The following ZNF423 variants were observed in gnomAD, a reference collection of about 807,000 sequenced individuals.
ZNF423 encodes the protein zinc finger protein 423, also known as Ebf-associated zinc finger protein.
Under a neutral mutation model 95.8 loss-of-function variants are expected in ZNF423, and 12 were observed. The ratio of observed to expected loss-of-function variants is 0.13; its 90% CI spans 0.08 to 0.20. ZNF423 has a LOEUF of 0.20. Ranked by LOEUF, ZNF423 falls within the 10% of genes least tolerant of loss-of-function variation. The pLI is 1.00. For missense variants in ZNF423, 1,316 were observed against 1,737.1 expected, an observed-to-expected ratio of 0.76 and a Z score of 4.31; for synonymous variants, 749 against 711.9, an observed-to-expected ratio of 1.05 and a Z score of -0.83.
At chr16:49,671,636 T>C (rs1187843872) in intron 3 of ZNF423, among the ~76,000 whole-genome samples, 1 of 152,232 alleles carries the variant, frequency 6.6e-6, no homozygotes, top group Non-Finnish European at 1.5e-5. Context: ...TAATGTCTGC[T>C]GAGCAATTAT....
intron 7 of ZNF423, among the ~76,000 whole-genome samples, chr16:49,497,458 G>A (rs147562523): frequency 3.2e-4 from 48 of 152,314 alleles, no homozygotes; most frequent in Middle Eastern, 3.4e-3. Flanking sequence ...AGACTAGGCC[G>A]TGGTTCTGGC....
At chr16:49,667,682 G>A (rs2030608876) in intron 3 of ZNF423, among the ~76,000 whole-genome samples, 2 of 152,212 alleles carry the variant, frequency 1.3e-5, no homozygotes, top group Admixed American at 6.5e-5. Flanking sequence ...AGGAGTTCAA[G>A]ACCAGCTTGG....
intron 5 of ZNF423, among the ~76,000 whole-genome samples, chr16:49,571,201 G>T (rs1047426682): frequency 6.6e-6 from 1 of 151,886 alleles, no homozygotes; most frequent in African/African-American, 2.4e-5. Context: ...CACCTACCTT[G>T]TATCTTTTTT....
At chr16:49,598,644 C>T (rs934562648) in intron 5 of ZNF423, among the ~76,000 whole-genome samples, 2 of 152,356 alleles carry the variant, frequency 1.3e-5, no homozygotes, top group East Asian at 1.9e-4. Flanking sequence ...GCAAGGGAGG[C>T]CATCACGCCA....
At chr16:49,520,857 C>T (rs765677315) in intron 7 of ZNF423, among the ~76,000 whole-genome samples, 9 of 152,220 alleles carry the variant, frequency 5.9e-5, no homozygotes, top group Non-Finnish European at 1.3e-4. Context: ...TTAACGAGAG[C>T]CATTATTTGC....
intron 5 of ZNF423, among the ~76,000 whole-genome samples, chr16:49,535,368 G>A (rs1349579971): frequency 6.6e-6 from 1 of 152,206 alleles, no homozygotes; most frequent in African/African-American, 2.4e-5. Context: ...CCGCCTCTCT[G>A]AGTGATCAGC....
intron 5 of ZNF423, among the ~76,000 whole-genome samples, chr16:49,532,522 T>A (rs915791375): frequency 2.0e-5 from 3 of 152,148 alleles, no homozygotes; most frequent in African/African-American, 7.2e-5. Flanking sequence ...GGCTTCTAAA[T>A]GAGCTCTGGC....
At chr16:49,608,330 G>A (rs2151840534) in intron 5 of ZNF423, among the ~76,000 whole-genome samples, 1 of 152,296 alleles carries the variant, frequency 6.6e-6, no homozygotes, top group African/African-American at 2.4e-5. Context: ...AGGAGGAGGG[G>A]CCTGAGCTCA....
At chr16:49,619,808 GAAAGGAGAC>G (rs1306881171) in intron 5 of ZNF423, among the ~76,000 whole-genome samples, 1 of 152,178 alleles carries the variant, frequency 6.6e-6, no homozygotes, top group Non-Finnish European at 1.5e-5. Flanking sequence ...GATCCTGGCA[GAAAGGAGAC>G]AGGAACCCCT....
At chr16:49,830,735 G>C (rs1163089385) in intron 1 of ZNF423, among the ~76,000 whole-genome samples, 1 of 152,136 alleles carries the variant, frequency 6.6e-6, no homozygotes, top group Non-Finnish European at 1.5e-5. Context: ...ACCAGCCAAT[G>C]AGTTGAGCAG....
At chr16:49,501,356 G>T (rs1291156658) in intron 7 of ZNF423, among the ~76,000 whole-genome samples, 1 of 152,138 alleles carries the variant, frequency 6.6e-6, no homozygotes, top group Non-Finnish European at 1.5e-5. Context: ...TTCCGGTTTT[G>T]CAAGAAAACT....
intron 2 of ZNF423, among the ~76,000 whole-genome samples, chr16:49,785,645 A>G (rs998473127): frequency 3.3e-5 from 5 of 152,246 alleles, no homozygotes; most frequent in Non-Finnish European, 5.9e-5. Flanking sequence ...ACCCAGCCAG[A>G]ATTCTGGCAA....
chr16:49,700,057 G>C (rs1158300370), intron 3 of ZNF423, among the ~76,000 whole-genome samples: 1 of 152,144 alleles, frequency 6.6e-6, no homozygotes, highest in Admixed American at 6.5e-5. Flanking sequence ...CTGAGACCCA[G>C]AGGCTGCCAG....
At chr16:49,807,357 G>A (rs2034681044) in intron 1 of ZNF423, among the ~76,000 whole-genome samples, 1 of 152,026 alleles carries the variant, frequency 6.6e-6, no homozygotes, top group South Asian at 2.1e-4. Flanking sequence ...CGTGAACCCG[G>A]GAGGCAGAGC....
At chr16:49,704,982 C>A (rs556666362) in intron 3 of ZNF423, among the ~76,000 whole-genome samples, 18 of 152,318 alleles carry the variant, frequency 1.2e-4, no homozygotes, top group Admixed American at 3.9e-4. Flanking sequence ...AGGAGGCCAC[C>A]CTTTGCACCC....
At chr16:49,670,686 C>T (rs8058784) in intron 3 of ZNF423, among the ~76,000 whole-genome samples, 49 of 152,330 alleles carry the variant, frequency 3.2e-4, no homozygotes, top group African/African-American at 1.1e-3. Flanking sequence ...TCCCCCTGCC[C>T]CATAAGCTGT....
intron 7 of ZNF423, among the ~76,000 whole-genome samples, chr16:49,497,554 C>A (rs1967212644): frequency 6.6e-6 from 1 of 152,210 alleles, no homozygotes; most frequent in Non-Finnish European, 1.5e-5. Flanking sequence ...GCTCTCCCGG[C>A]CCCACCTGCA....
At chr16:49,667,732 A>G (rs997107553) in intron 3 of ZNF423, among the ~76,000 whole-genome samples, 1 of 152,224 alleles carries the variant, frequency 6.6e-6, no homozygotes, top group African/African-American at 2.4e-5. Context: ...AAATTAAAAA[A>G]TAATTTAGCC....
At chr16:49,503,878 A>C (rs1967529685) in intron 7 of ZNF423, among the ~76,000 whole-genome samples, 1 of 152,202 alleles carries the variant, frequency 6.6e-6, no homozygotes, top group Admixed American at 6.5e-5. Flanking sequence ...AAGGGAGAAG[A>C]AGAAAAAATA....
Sources: allele counts gnomAD v4.1 joint callset (sites outside exome capture counted in the v4.1 genomes callset), GRCh38; gene constraint gnomAD v4.1.1; transcripts MANE v1.5; gene names NCBI Gene and HGNC (gene_info 2026-07-23, HGNC 2026-07-21).